AHCYL2: variants seen among roughly 807,000 people sequenced by gnomAD.
The protein encoded by AHCYL2 is S-adenosylhomocysteine hydrolase-like protein 2.
A neutral mutation model predicts 81.4 loss-of-function variants in AHCYL2; 28 were observed. The ratio of observed to expected loss-of-function variants is 0.34; its 90% CI spans 0.25 to 0.47. AHCYL2 has a LOEUF of 0.47. Among genes scored for constraint, AHCYL2 ranks in the 20% least tolerant of loss-of-function variants. The pLI is 1.00. For synonymous variants in AHCYL2, 272 were observed against 290.2 expected (o/e 0.94, Z 0.64); for missense variants, 551 against 785.1 (o/e 0.70, Z 3.56).
rs180796001 is a variant in AHCYL2, at chr7:129,395,463, A to G, written c.721-1759A>G. Among the ~76,000 whole-genome samples the G allele has an allele frequency of 9.3e-4, 142 of 152,300 alleles. 1 individual carries two copies. The highest frequency in any genetic ancestry group is 2.2e-3 in the Admixed American group (33 of 15,298). On this transcript the variant is annotated intron_variant, in intron 4 of 16. Coordinates refer to ENST00000325006, the MANE Select transcript of AHCYL2 (RefSeq NM_015328.4). ...ATCTGTGGTGGGTCTTGGGCAAGAC[A>G]TATTTTCCTGCCCTTCCTGGAGAGC...
chr7:129,423,325 C>A (rs1797203544), intron 13 of AHCYL2, among the ~76,000 whole-genome samples: 1 of 152,308 alleles, frequency 6.6e-6, no homozygotes, highest in Non-Finnish European at 1.5e-5. Flanking sequence ...CTATCTTAGG[C>A]AAGTTCTGGG....
At chr7:129,282,975 C>G (rs1397392892) in intron 1 of AHCYL2, among the ~76,000 whole-genome samples, 1 of 152,136 alleles carries the variant, frequency 6.6e-6, no homozygotes, top group African/African-American at 2.4e-5. Flanking sequence ...ACGGGGTTTT[C>G]CAGTTTGGCT....
rs374366259 is a variant in AHCYL2 at position 129,249,425 on chromosome 7, C to CT, written c.363+23997dup. ...AAAACTATGTATTAAACATTATCTT[C>CT]TTTTTTTTTTTGAGACGGAGTCTTG... On this transcript the variant is annotated intron_variant, in intron 1 of 16. Coordinates refer to ENST00000325006, the MANE Select transcript of AHCYL2 (RefSeq NM_015328.4). Among the ~76,000 whole-genome samples the CT allele has an allele frequency of 6.9e-3, 1,015 of 147,564 alleles. 10 individuals carry two copies. The highest frequency in any genetic ancestry group is 0.023 in the African/African-American group (912 of 40,532).
intron 2 of AHCYL2, among the ~76,000 whole-genome samples, chr7:129,383,490 A>G (rs73721723): frequency 0.013 from 1,956 of 152,200 alleles, 40 homozygotes; most frequent in African/African-American, 0.045. Flanking sequence ...CATGTATTAA[A>G]AACTGAACTC....
At chr7:129,334,311 C>T (rs1190006398) in intron 1 of AHCYL2, among the ~76,000 whole-genome samples, 1 of 152,166 alleles carries the variant, frequency 6.6e-6, no homozygotes, top group Non-Finnish European at 1.5e-5. Context: ...ATGCAGTCCT[C>T]TCTATTTTGT....
At chr7:129,342,199 T>G (rs1563203807) in intron 1 of AHCYL2, among the ~76,000 whole-genome samples, 1 of 152,168 alleles carries the variant, frequency 6.6e-6, no homozygotes, top group South Asian at 2.1e-4. Flanking sequence ...CTGTTACTTG[T>G]TGGTATCATC....
At chr7:129,366,989 A>C (rs140101278) in intron 1 of AHCYL2, among the ~76,000 whole-genome samples, 149 of 152,258 alleles carry the variant, frequency 9.8e-4, no homozygotes, top group African/African-American at 3.4e-3. Context: ...GGAAGCAGGG[A>C]GGGGGCTTCC....
intron 1 of AHCYL2, among the ~76,000 whole-genome samples, chr7:129,281,518 A>G (rs575533629): frequency 6.5e-5 from 7 of 107,500 alleles, no homozygotes; most frequent in South Asian, 2.9e-4. Flanking sequence ...TTTTTTTGAG[A>G]CAGGGTCTCC....
At chr7:129,243,801 G>T (rs1272356604) in intron 1 of AHCYL2, among the ~76,000 whole-genome samples, 1 of 151,782 alleles carries the variant, frequency 6.6e-6, no homozygotes, top group Non-Finnish European at 1.5e-5. Flanking sequence ...AGCATGGTCA[G>T]CCAGGATGGT....
chr7:129,353,693 CAG>C (rs1260674708), intron 1 of AHCYL2, among the ~76,000 whole-genome samples: 2 of 147,908 alleles, frequency 1.4e-5, no homozygotes, highest in African/African-American at 2.5e-5. Context: ...AACTTAAGCT[CAG>C]AGGGAGATGT....
At chr7:129,316,008 A>G (rs1188134642) in intron 1 of AHCYL2, among the ~76,000 whole-genome samples, 1 of 152,210 alleles carries the variant, frequency 6.6e-6, no homozygotes, top group Non-Finnish European at 1.5e-5. Context: ...CCAGAGGGCC[A>G]GAGAGACTTG....
chr7:129,421,286 G>A (rs552464619), intron 12 of AHCYL2, among the ~76,000 whole-genome samples: 7 of 151,196 alleles, frequency 4.6e-5, no homozygotes, highest in South Asian at 2.1e-4. Context: ...TGGTTTTCAC[G>A]TTAACACATA....
chr7:129,410,295 G>C (rs1362849452), intron 11 of AHCYL2: 3 of 1,614,162 alleles, frequency 1.9e-6, no homozygotes, highest in East Asian at 2.2e-5. Context: ...CGGGTCTCCA[G>C]GTCCTTTCGA....
intron 1 of AHCYL2, among the ~76,000 whole-genome samples, chr7:129,366,700 T>C (rs981733873): frequency 1.3e-5 from 2 of 149,156 alleles, no homozygotes; most frequent in African/African-American, 5.0e-5. Context: ...TGCTTGAACC[T>C]GGGAGGCAGA....
intron 1 of AHCYL2, among the ~76,000 whole-genome samples, chr7:129,358,925 C>T (rs1563211024): frequency 6.6e-6 from 1 of 152,116 alleles, no homozygotes; most frequent in Non-Finnish European, 1.5e-5. Flanking sequence ...TAAACTAGAA[C>T]AAGTATTTTT....
At chr7:129,338,637 AT>A (rs1793049384) in intron 1 of AHCYL2, among the ~76,000 whole-genome samples, 1 of 152,172 alleles carries the variant, frequency 6.6e-6, no homozygotes, top group South Asian at 2.1e-4. Flanking sequence ...TGAAGTTTCA[AT>A]TTACATTTCT....
chr7:129,327,588 C>T (rs1328418080), intron 1 of AHCYL2, among the ~76,000 whole-genome samples: 4 of 151,286 alleles, frequency 2.6e-5, no homozygotes, highest in Non-Finnish European at 5.9e-5. Flanking sequence ...GCCTCAGCCT[C>T]CTGAGTAGCT....
chr7:129,324,672 C>T (rs933918166), intron 1 of AHCYL2, among the ~76,000 whole-genome samples: 23 of 152,156 alleles, frequency 1.5e-4, no homozygotes, highest in Non-Finnish European at 2.5e-4. Flanking sequence ...CCTGCCACCA[C>T]GCCCGGCTAA....
chr7:129,328,019 A>G (rs1440486055), intron 1 of AHCYL2, among the ~76,000 whole-genome samples: 1 of 152,112 alleles, frequency 6.6e-6, no homozygotes, highest in Non-Finnish European at 1.5e-5. Flanking sequence ...CCTGATTTTG[A>G]ACTCCTGGCC....
Sources: allele counts gnomAD v4.1 joint callset (sites outside exome capture counted in the v4.1 genomes callset), GRCh38; gene constraint gnomAD v4.1.1; transcripts MANE v1.5; gene names NCBI Gene and HGNC (gene_info 2026-07-23, HGNC 2026-07-21).